RELL1: variants seen among roughly 807,000 people sequenced by gnomAD.
RELL1 encodes RELT-like protein 1.
RELL1 carries 10 observed loss-of-function variants against 23.0 expected under a neutral mutation model. The observed-to-expected ratio is 0.43, with a 90% CI of 0.27 to 0.74. RELL1 has a LOEUF of 0.74. RELL1 is among the 30% of genes least tolerant of loss of function. RELL1 has a pLI of 0.19. For missense variants in RELL1, 315 were observed against 364.4 expected (o/e 0.86, Z 1.10); for synonymous variants, 146 against 146.8 (o/e 0.99, Z 0.04).
At position 37,630,360 on chromosome 4, in the gene RELL1, T is replaced by G. The variant is rs796538268; in HGVS notation, c.*3+1025A>C. Among the ~76,000 whole-genome samples the G allele has an allele frequency of 1.8e-3, 194 of 106,712 alleles. 1 individual carries two copies. Among genetic ancestry groups the G allele is most frequent in the African/African-American group, 5.9e-3 (187 of 31,664 alleles). 70.0% of individuals were successfully genotyped at this position (106,712 alleles called of 152,430 possible). On this transcript the variant is annotated intron_variant, in intron 6 of 6. Coordinates refer to ENST00000454158, the MANE Select transcript of RELL1 (RefSeq NM_001085400.2). ...GTTCTGGTGCGTGTGTGTGTGGTTT[T>G]TTTTTTTTTTTTTTTTTTTTTTGAG...
In RELL1 at chr4:37,612,597, A is replaced by G. The variant is rs1030379073; in HGVS notation, c.*749T>C. ...GATTGAGGTGAGTGGAGATTGTGCCACTGCACTCCAGCCTAGGGGACACAG... is the reference window on the plus strand; with the variant it reads ...GATTGAGGTGAGTGGAGATTGTGCCGCTGCACTCCAGCCTAGGGGACACAG... On this transcript the variant is annotated 3_prime_UTR_variant, in exon 7 of 7. Coordinates refer to ENST00000454158, the MANE Select transcript of RELL1 (RefSeq NM_001085400.2). Among the ~76,000 whole-genome samples the G allele has an allele frequency of 6.7e-6, 1 of 149,562 alleles. No homozygotes were observed.
At chr4:37,590,091 T>C (rs1230878807), downstream of RELL1, 1 of 1,608,378 alleles carries the variant, frequency 6.2e-7, no homozygotes, top group South Asian at 1.1e-5. Context: ...CCTGAAGCTA[T>C]CTCTTTGATC....
At chr4:37,668,659 G>A (rs534498180) in intron 1 of RELL1, among the ~76,000 whole-genome samples, 163 of 151,490 alleles carry the variant, frequency 1.1e-3, no homozygotes, top group Non-Finnish European at 2.0e-3. Flanking sequence ...AGTGAGGAGC[G>A]TCTCTGCCTG....
intron 6 of RELL1, among the ~76,000 whole-genome samples, chr4:37,629,871 T>A (rs1720062667): frequency 6.6e-6 from 1 of 152,200 alleles, no homozygotes; most frequent in African/African-American, 2.4e-5. Flanking sequence ...CACATGGTAA[T>A]AATCAGTAGC....
chr4:37,631,388 C>T lies in RELL1; in HGVS notation c.816G>A (p.Ter272=). The part of the protein sequence containing the change: ...PVKRERSGTE[*] ...TGTCACCAAAACCACGGCTCACCTGCTACTCTGTGCCACTGCGTTCTCTCT... is the reference window on the plus strand; with the variant it reads ...TGTCACCAAAACCACGGCTCACCTGTTACTCTGTGCCACTGCGTTCTCTCT... The change falls in exon 6 of 7, where the codon TAG becomes TAA. Residue 272 remains the stop codon, a stop_retained_variant. Transcript: ENST00000454158. The T allele has an allele frequency of 6.2e-7, 1 of 1,612,952 alleles. No homozygotes were observed. Among genetic ancestry groups the T allele is most frequent in the Non-Finnish European group, 8.5e-7 (1 of 1,179,488 alleles).
At chr4:37,609,986 T>C (rs1430223007), downstream of RELL1, among the ~76,000 whole-genome samples, 1 of 152,228 alleles carries the variant, frequency 6.6e-6, no homozygotes, top group Non-Finnish European at 1.5e-5. Flanking sequence ...TTTGAGATGA[T>C]TGACTCCAAT....
intron 1 of RELL1, among the ~76,000 whole-genome samples, chr4:37,680,931 C>CAAAAA (rs397992973): frequency 5.4e-5 from 4 of 73,628 alleles, no homozygotes; most frequent in Non-Finnish European, 5.8e-5. Flanking sequence ...CACTCCATCT[C>CAAAAA]AAAAAAAAAA....
intron 1 of RELL1, among the ~76,000 whole-genome samples, chr4:37,651,979 G>A (rs752837765): frequency 5.3e-5 from 8 of 152,358 alleles, no homozygotes; most frequent in Admixed American, 1.3e-4. Context: ...GCTGAAGCAC[G>A]CCAGCGTGGC....
chr4:37,587,262 T>C (rs1436991656), downstream of RELL1, among the ~76,000 whole-genome samples: 1 of 152,166 alleles, frequency 6.6e-6, no homozygotes, highest in African/African-American at 2.4e-5. Flanking sequence ...AGGCAAATTG[T>C]ACCATCTGAA....
At chr4:37,661,380 A>G (rs976039459) in intron 1 of RELL1, among the ~76,000 whole-genome samples, 3 of 152,126 alleles carry the variant, frequency 2.0e-5, no homozygotes, top group Admixed American at 2.0e-4. Flanking sequence ...CCCAGGTTGA[A>G]GCAATTCTCC....
downstream of RELL1, among the ~76,000 whole-genome samples, chr4:37,609,213 T>C (rs1719305516): frequency 6.6e-6 from 1 of 152,216 alleles, no homozygotes; most frequent in African/African-American, 2.4e-5. Context: ...ATTTACCATC[T>C]TGAAAATCAT....
chr4:37,638,857 C>T (rs771295769), intron 3 of RELL1, among the ~76,000 whole-genome samples: 1 of 152,196 alleles, frequency 6.6e-6, no homozygotes, highest in Admixed American at 6.5e-5. Context: ...TATGCCGCTG[C>T]TCCCTTGCAG....
At chr4:37,633,408 CAAAAAAAAAAAAAAAAAAAAAAA>C (rs57256942) in intron 5 of RELL1, among the ~76,000 whole-genome samples, 977 of 63,024 alleles carry the variant, frequency 0.016, 18 homozygotes, top group African/African-American at 0.039. Context: ...GACTCCACCT[CAAAAAAAAAAAAAAAAAAAAAAA>C]AAAAAAAAAA....
intron 1 of RELL1, among the ~76,000 whole-genome samples, chr4:37,681,687 T>C (rs981574672): frequency 6.6e-6 from 1 of 151,974 alleles, no homozygotes; most frequent in African/African-American, 2.4e-5. Flanking sequence ...TGCCACCACA[T>C]CCAACTAATT....
At chr4:37,638,762 G>A (rs3756144) in intron 3 of RELL1, among the ~76,000 whole-genome samples, 5,176 of 152,206 alleles carry the variant, frequency 0.034, 236 homozygotes, top group East Asian at 0.25. Flanking sequence ...ATAAGGCATT[G>A]CTTCTTACAC....
intron 3 of RELL1, among the ~76,000 whole-genome samples, chr4:37,645,071 T>C (rs1247255879): frequency 2.6e-5 from 4 of 152,182 alleles, no homozygotes; most frequent in African/African-American, 9.7e-5. Context: ...GCCCAGCACA[T>C]AGCAAACCCT....
At chr4:37,590,802 A>G in exon 7 of RELL1, 3 of 1,614,100 alleles carry the variant, frequency 1.9e-6, no homozygotes, top group Non-Finnish European at 2.5e-6. Flanking sequence ...TGGAAACAGA[A>G]GTTCTAAGCA....
chr4:37,686,099 A>T (rs1722399861), intron 1 of RELL1, 101 bp downstream of exon 1: 1 of 1,020,912 alleles, frequency 9.8e-7, no homozygotes, highest in Non-Finnish European at 1.4e-6. Flanking sequence ...CTGTGCCAGA[A>T]AGCAGGACGC....
At chr4:37,590,789 A>C, downstream of RELL1, 1 of 1,614,080 alleles carries the variant, frequency 6.2e-7, no homozygotes, top group Non-Finnish European at 8.5e-7. Flanking sequence ...TTGAATGAGG[A>C]TGTGGAAACA....
Sources: gnomAD v4.1 joint callset for allele counts (sites outside exome capture counted in the v4.1 genomes callset) on GRCh38, gnomAD v4.1.1 for gene constraint, MANE v1.5 for transcripts, NCBI Gene and HGNC (gene_info 2026-07-23, HGNC 2026-07-21) for gene names.